Variants in PCDHA7 observed in about 807,000 individuals in gnomAD.
The protein encoded by PCDHA7 is protocadherin alpha-7.
Under a neutral mutation model 57.2 loss-of-function variants are expected in PCDHA7, and 37 were observed. That is an observed-to-expected ratio of 0.65 (90% CI 0.50 to 0.85). The LOEUF is 0.85. Ranked by LOEUF, PCDHA7 falls within the 40% of genes least tolerant of loss-of-function variation. PCDHA7 has a pLI of 0.00. For synonymous variants in PCDHA7, 553 were observed against 558.8 expected, an observed-to-expected ratio of 0.99 and a Z score of 0.15; for missense variants, 1,188 against 1,241.8, an observed-to-expected ratio of 0.96 and a Z score of 0.65.
At chr5:140,968,173 C>T (rs782043932) in intron 1 of PCDHA7, 10 of 1,614,104 alleles carry the variant, frequency 6.2e-6, no homozygotes, top group Admixed American at 1.7e-5. Flanking sequence ...CACCAAGCTT[C>T]CTGGAGGACT....
At chr5:140,875,758 T>C (rs1562702075) in intron 1 of PCDHA7, 1 of 1,614,186 alleles carries the variant, frequency 6.2e-7, no homozygotes. Context: ...CGAGAAGCTG[T>C]GCGGGCGGAG....
At chr5:140,940,139 C>G (rs984432706) in intron 1 of PCDHA7, among the ~76,000 whole-genome samples, 16 of 152,010 alleles carry the variant, frequency 1.1e-4, no homozygotes, top group Admixed American at 1.0e-3. Context: ...TAGTGATAAA[C>G]TATTATAGTT....
chr5:140,869,476 G>T (rs530490517), intron 1 of PCDHA7: 1 of 1,614,194 alleles, frequency 6.2e-7, no homozygotes, highest in African/African-American at 1.3e-5. Flanking sequence ...GGAGGTGAAG[G>T]ACATTAACGA....
At chr5:140,876,868 G>A in intron 1 of PCDHA7, 7 of 1,614,160 alleles carry the variant, frequency 4.3e-6, no homozygotes, top group Non-Finnish European at 5.9e-6. Context: ...GTTCGTGAAG[G>A]AGAACAACCC....
intron 1 of PCDHA7, chr5:140,866,360 T>C (rs2049301570): frequency 6.6e-6 from 1 of 152,128 alleles, no homozygotes; most frequent in South Asian, 2.1e-4. Context: ...GTTTACAATA[T>C]TGCATACTTC....
intron 1 of PCDHA7, chr5:140,843,119 G>C (rs2150353177): frequency 6.3e-7 from 1 of 1,595,872 alleles, no homozygotes; most frequent in South Asian, 1.1e-5. Flanking sequence ...AGTGGACGCC[G>C]ACTCGGGCTA....
At chr5:140,881,323 T>C in intron 1 of PCDHA7, 1 of 984,214 alleles carries the variant, frequency 1.0e-6, no homozygotes, top group South Asian at 4.7e-5. Flanking sequence ...AAATTCTATT[T>C]AACCAGGACG....
chr5:140,980,695 G>A (rs1403740157), intron 2 of PCDHA7, among the ~76,000 whole-genome samples: 1 of 149,792 alleles, frequency 6.7e-6, no homozygotes, highest in Non-Finnish European at 1.5e-5. Context: ...AAAAAAAAAA[G>A]CCAAATGTGC....
chr5:140,923,451 C>T (rs1256990906), intron 1 of PCDHA7, among the ~76,000 whole-genome samples: 2 of 151,914 alleles, frequency 1.3e-5, no homozygotes, highest in African/African-American at 4.8e-5. Context: ...TCACCTGAGC[C>T]CAGAGAGGTA....
chr5:140,981,350 G>T (rs2096928266), intron 2 of PCDHA7, among the ~76,000 whole-genome samples: 1 of 152,168 alleles, frequency 6.6e-6, no homozygotes. Flanking sequence ...GAGGCAGGTG[G>T]ATCACTTGAG....
intron 1 of PCDHA7, among the ~76,000 whole-genome samples, chr5:140,971,016 A>G (rs1554232958): frequency 6.6e-6 from 1 of 152,208 alleles, no homozygotes; most frequent in African/African-American, 2.4e-5. Flanking sequence ...AAGTCTTTAG[A>G]TCGTAGCATT....
At chr5:140,877,575 C>G (rs1244471489) in intron 1 of PCDHA7, 1 of 1,613,708 alleles carries the variant, frequency 6.2e-7, no homozygotes, top group East Asian at 2.2e-5. Context: ...TGTACCTCAT[C>G]ATCGCCATCT....
At chr5:140,912,511 T>C (rs2075947919) in intron 1 of PCDHA7, among the ~76,000 whole-genome samples, 1 of 152,158 alleles carries the variant, frequency 6.6e-6, no homozygotes, top group Non-Finnish European at 1.5e-5. Context: ...TGGATGAATC[T>C]TTAGGGTTTT....
At chr5:140,947,134 A>T in intron 1 of PCDHA7, among the ~76,000 whole-genome samples, 1 of 151,648 alleles carries the variant, frequency 6.6e-6, no homozygotes, top group Admixed American at 6.6e-5. Context: ...AAAAATAGTA[A>T]AATGTATAGT....
intron 1 of PCDHA7, chr5:140,859,596 AT>A (rs1554152518): frequency 6.1e-6 from 1 of 164,060 alleles, no homozygotes; most frequent in Non-Finnish European, 1.3e-5. Flanking sequence ...GCTCTTAGCA[AT>A]TACTTTTTTC....
chr5:140,862,448 C>A (rs2047370091), intron 1 of PCDHA7: 1 of 362,316 alleles, frequency 2.8e-6, no homozygotes. Flanking sequence ...TACTCCACAG[C>A]GCCCTGGACC....
chr5:140,842,993 G>A (rs2150349485), intron 1 of PCDHA7: 1 of 1,595,046 alleles, frequency 6.3e-7, no homozygotes. Context: ...CGTGCTGGAC[G>A]AGAATGACAA....
intron 1 of PCDHA7, chr5:140,842,311 G>A: frequency 6.2e-7 from 1 of 1,608,842 alleles, no homozygotes; most frequent in Non-Finnish European, 8.5e-7. Context: ...ATCCTCCCAT[G>A]GCGGGTCATT....
intron 1 of PCDHA7, chr5:140,882,360 T>A: frequency 6.2e-7 from 1 of 1,614,134 alleles, no homozygotes. Context: ...AGTGGCCAGC[T>A]CCACTACTCC....
Sources: gnomAD v4.1 joint callset for allele counts (sites outside exome capture counted in the v4.1 genomes callset) on GRCh38, gnomAD v4.1.1 for gene constraint, MANE v1.5 for transcripts, NCBI Gene and HGNC (gene_info 2026-07-23, HGNC 2026-07-21) for gene names.